ADARB2: variants seen among roughly 807,000 people sequenced by gnomAD.
ADARB2 encodes inactive double-stranded RNA-specific editase B2.
A neutral mutation model predicts 62.2 loss-of-function variants in ADARB2; 25 were observed. The observed-to-expected ratio is 0.40, with a 90% CI of 0.29 to 0.56. The LOEUF is 0.56. Ranked by LOEUF, ADARB2 falls within the 20% of genes least tolerant of loss-of-function variation. The pLI is 0.43. For missense variants in ADARB2, 1,071 were observed against 1,077.4 expected (o/e 0.99, Z 0.08); for synonymous variants, 572 against 500.8 (o/e 1.14, Z -1.90).
At chr10:1,360,158 G>C (rs569766733) in intron 3 of ADARB2, among the ~76,000 whole-genome samples, 1 of 139,816 alleles carries the variant, frequency 7.2e-6, no homozygotes, top group East Asian at 1.9e-4. Flanking sequence ...CTCAAGCACC[G>C]GGCCGGCACC....
chr10:1,474,093 C>T (rs950059865), intron 1 of ADARB2, among the ~76,000 whole-genome samples: 10 of 151,298 alleles, frequency 6.6e-5, no homozygotes, highest in South Asian at 2.1e-4. Flanking sequence ...ACCTGCTCTT[C>T]GGTTGCTGGC....
At position 1,278,302 on chromosome 10, in the gene ADARB2, T is replaced by TA. The variant is rs1191294645; in HGVS notation, c.1078-7234dup. On this transcript the variant is annotated intron_variant, in intron 3 of 9. Coordinates refer to ENST00000381312, the MANE Select transcript of ADARB2 (RefSeq NM_018702.4). ...GGTCCTTTTTTTCTTTTTTTTTTTT[T>TA]AAGTTTCAACTTATATTTTGGGTTC... 6.6e-5 allele frequency among the ~76,000 whole-genome samples: 10 copies of TA among 151,722 alleles called. 1 individual carries two copies. In the East Asian group the frequency reaches 1.9e-3, roughly 29 times the overall value.
intron 1 of ADARB2, among the ~76,000 whole-genome samples, chr10:1,387,393 C>T (rs144789045): frequency 8.2e-4 from 125 of 151,896 alleles, no homozygotes; most frequent in African/African-American, 2.9e-3. Context: ...AAAAAACTTC[C>T]ATGTTTTCTA....
At chr10:1,186,278 C>T (rs771105299) in intron 8 of ADARB2, among the ~76,000 whole-genome samples, 9 of 152,116 alleles carry the variant, frequency 5.9e-5, no homozygotes, top group Admixed American at 1.3e-4. Context: ...GTGGACGTGG[C>T]CCTCAGACGT....
intron 3 of ADARB2, among the ~76,000 whole-genome samples, chr10:1,327,215 AGTTCAGCGCCTCCCCACG>A (rs1831869516): frequency 1.6e-5 from 1 of 61,420 alleles, no homozygotes; most frequent in Non-Finnish European, 3.3e-5. Flanking sequence ...GCCTCCTCAC[AGTTCAGCGCCTCCCCACG>A]GCACAGCACC....
intron 4 of ADARB2, among the ~76,000 whole-genome samples, chr10:1,270,716 A>G (rs1831252888): frequency 6.6e-6 from 1 of 152,220 alleles, no homozygotes; most frequent in Admixed American, 6.5e-5. Context: ...GGCCCCCCAG[A>G]GACGGGGGAT....
At chr10:1,303,941 T>C (rs1368433452) in intron 3 of ADARB2, among the ~76,000 whole-genome samples, 20 of 152,214 alleles carry the variant, frequency 1.3e-4, no homozygotes, top group African/African-American at 4.3e-4. Flanking sequence ...TAAAGACCAT[T>C]GAGACTAGGA....
intron 5 of ADARB2, chr10:1,240,340 A>C (rs1004328537): frequency 2.1e-5 from 3 of 142,582 alleles, no homozygotes; most frequent in Admixed American, 7.1e-5. Flanking sequence ...CCCGGTGTTT[A>C]CTCCCTGTGT....
At position 1,451,164 on chromosome 10, in the gene ADARB2, A is replaced by C. The variant is rs191005522; in HGVS notation, c.101-72004T>G. 1.2e-3 allele frequency among the ~76,000 whole-genome samples: 175 copies of C among 150,788 alleles called. 2 individuals carry two copies. The East Asian group carries it at 0.033, about 28-fold the overall frequency. ...TGTGTGACAAGTGTTTGCAGGAAAT[A>C]GTTCATCAAAAAACACTTTTTCTCA... is the stretch of plus-strand genomic sequence containing the variant. On this transcript the variant is annotated intron_variant, in intron 1 of 9. Coordinates refer to ENST00000381312, the MANE Select transcript of ADARB2 (RefSeq NM_018702.4).
intron 1 of ADARB2, among the ~76,000 whole-genome samples, chr10:1,517,353 T>C (rs530544873): frequency 1.3e-5 from 2 of 152,292 alleles, no homozygotes; most frequent in African/African-American, 4.8e-5. Context: ...CAAAGCAAGG[T>C]AGAGACATCC....
rs1265465324 is a variant in ADARB2 at position 1,640,263 on chromosome 10, G to GTC, written c.100+96787_100+96788insGA. ...ATAGTCTTACTCCTTAAGTGGAAGGGGTTGAGTTCAAGCTCTCCTTCTGAA... is the reference window on the plus strand; with the variant it reads ...ATAGTCTTACTCCTTAAGTGGAAGGGTCGTTGAGTTCAAGCTCTCCTTCTGAA... On this transcript the variant is annotated intron_variant, in intron 1 of 9. Coordinates refer to ENST00000381312, the MANE Select transcript of ADARB2 (RefSeq NM_018702.4). 2.6e-5 allele frequency among the ~76,000 whole-genome samples: 4 copies of GTC among 152,198 alleles called. No homozygotes were observed. In the East Asian group the frequency reaches 7.7e-4, roughly 29 times the overall value.
At chr10:1,666,471 A>G (rs899355122) in intron 1 of ADARB2, among the ~76,000 whole-genome samples, 3 of 152,196 alleles carry the variant, frequency 2.0e-5, no homozygotes, top group South Asian at 2.1e-4. Flanking sequence ...TGTTCCCCCA[A>G]TCGTGTTCCC....
chr10:1,612,210 T>A (rs1194784579), intron 1 of ADARB2, among the ~76,000 whole-genome samples: 1 of 152,058 alleles, frequency 6.6e-6, no homozygotes, highest in African/African-American at 2.4e-5. Flanking sequence ...TTTTTCTGAG[T>A]TGTGAGGAGG....
At chr10:1,609,303 TCTC>T (rs1465529391) in intron 1 of ADARB2, among the ~76,000 whole-genome samples, 3 of 152,220 alleles carry the variant, frequency 2.0e-5, no homozygotes, top group African/African-American at 4.8e-5. Flanking sequence ...AATAGCTAGT[TCTC>T]CTGATGATTG....
chr10:1,321,364 C>T (rs1478702975), intron 3 of ADARB2, among the ~76,000 whole-genome samples: 1 of 152,152 alleles, frequency 6.6e-6, no homozygotes, highest in Non-Finnish European at 1.5e-5. Flanking sequence ...TCCTCAGATA[C>T]AGAAGTATGC....
chr10:1,587,030 C>T lies in ADARB2; in HGVS notation c.100+150021G>A, dbSNP rs559158356. Among the ~76,000 whole-genome samples the T allele has an allele frequency of 2.6e-4, 39 of 152,242 alleles. No homozygotes were observed. The East Asian group carries it at 2.7e-3, about 11-fold the overall frequency. Reference sequence around the variant, plus strand: ...TCTATAAACGTGCACTCAATTACACCGGGGAATTGCAAATTTTCTGTCTTC... The same window carrying T: ...TCTATAAACGTGCACTCAATTACACTGGGGAATTGCAAATTTTCTGTCTTC... On this transcript the variant is annotated intron_variant, in intron 1 of 9. Transcript: ENST00000381312.
intron 3 of ADARB2, among the ~76,000 whole-genome samples, chr10:1,300,114 T>G (rs539301396): frequency 3.9e-5 from 6 of 152,178 alleles, no homozygotes; most frequent in Non-Finnish European, 8.8e-5. Flanking sequence ...TGTTTAAAGA[T>G]CCTTCCCTGT....
intron 7 of ADARB2, among the ~76,000 whole-genome samples, chr10:1,212,044 C>T (rs1169096096): frequency 6.6e-6 from 1 of 152,208 alleles, no homozygotes; most frequent in South Asian, 2.1e-4. Context: ...TCCACGGCCA[C>T]GTGTGTCCTC....
chr10:1,386,182 G>A (rs1338126421), intron 1 of ADARB2, among the ~76,000 whole-genome samples: 1 of 151,856 alleles, frequency 6.6e-6, no homozygotes, highest in African/African-American at 2.4e-5. Context: ...AAGAGGTATA[G>A]CTAAAAAGTC....
Sources: allele counts gnomAD v4.1 joint callset (sites outside exome capture counted in the v4.1 genomes callset), GRCh38; gene constraint gnomAD v4.1.1; transcripts MANE v1.5; gene names NCBI Gene and HGNC (gene_info 2026-07-23, HGNC 2026-07-21).